ZNF407: variants seen among roughly 807,000 people sequenced by gnomAD.
The protein encoded by ZNF407 is zinc finger protein 407.
A neutral mutation model predicts 131.2 loss-of-function variants in ZNF407; 17 were observed. That is an observed-to-expected ratio of 0.13 (90% CI 0.09 to 0.19). The LOEUF is 0.19. Among genes scored for constraint, ZNF407 ranks in the 10% least tolerant of loss-of-function variants. ZNF407 has a pLI of 1.00. For synonymous variants in ZNF407, 1,156 were observed against 1,062.0 expected, an observed-to-expected ratio of 1.09 and a Z score of -1.72; for missense variants, 2,681 against 2,830.6, an observed-to-expected ratio of 0.95 and a Z score of 1.20.
chr18:74,854,290 G>T (rs2554106), intron 4 of ZNF407, among the ~76,000 whole-genome samples: 149,263 of 152,330 alleles, frequency 0.98, 73,209 homozygotes, highest in East Asian at 1. Context: ...TAGATAATTT[G>T]TAAGATTACT....
chr18:74,833,727 C>A (rs548626682), intron 4 of ZNF407, among the ~76,000 whole-genome samples: 1 of 152,076 alleles, frequency 6.6e-6, no homozygotes, highest in Non-Finnish European at 1.5e-5. Flanking sequence ...TCTTGTTTAT[C>A]GTTTGAAAGT....
At chr18:74,749,483 A>G (rs1282148244) in intron 3 of ZNF407, among the ~76,000 whole-genome samples, 2 of 152,184 alleles carry the variant, frequency 1.3e-5, no homozygotes, top group Non-Finnish European at 2.9e-5. Context: ...TGTTTTAACT[A>G]TGTAGATGAT....
intron 8 of ZNF407, among the ~76,000 whole-genome samples, chr18:74,945,811 C>A (rs999733133): frequency 3.9e-5 from 6 of 152,026 alleles, no homozygotes; most frequent in African/African-American, 1.5e-4. Flanking sequence ...AATTAGAAGT[C>A]TTTCTTAAGG....
chr18:74,769,167 A>G lies in ZNF407; in HGVS notation c.4803-12261A>G, dbSNP rs550518599. 2.0e-4 allele frequency among the ~76,000 whole-genome samples: 30 copies of G among 152,284 alleles called. No homozygotes were observed. In the South Asian group the frequency reaches 6.0e-3, roughly 31 times the overall value. The stretch of plus-strand genomic sequence containing the variant: ...TTATCCAGTCATAGGGAAGGCCCAG[A>G]TTCAGCCCAAGTTTCTTTGACATCA... On this transcript the variant is annotated intron_variant, in intron 3 of 8. Transcript: ENST00000299687.
At chr18:74,722,214 C>T (rs547066725) in intron 3 of ZNF407, among the ~76,000 whole-genome samples, 121 of 151,798 alleles carry the variant, frequency 8.0e-4, no homozygotes, top group South Asian at 6.6e-3. Context: ...TACTGCTTTC[C>T]GTATTTCTCG....
chr18:74,853,845 C>T (rs1042984966), intron 4 of ZNF407, among the ~76,000 whole-genome samples: 19 of 152,060 alleles, frequency 1.2e-4, no homozygotes, highest in Non-Finnish European at 2.2e-4. Context: ...GTGTGCACAA[C>T]GGTAGTGCTA....
intron 8 of ZNF407, among the ~76,000 whole-genome samples, chr18:74,962,937 T>C (rs1972364352): frequency 6.6e-6 from 1 of 152,258 alleles, no homozygotes. Context: ...GGAAATCTTA[T>C]TCACCTGAAC....
intron 8 of ZNF407, among the ~76,000 whole-genome samples, chr18:74,986,908 T>C (rs1972659412): frequency 6.6e-6 from 1 of 152,236 alleles, no homozygotes. Context: ...GTATTATGTT[T>C]ATCTTTCTTA....
chr18:74,675,500 A>G (rs1986317759), intron 3 of ZNF407, among the ~76,000 whole-genome samples: 1 of 152,258 alleles, frequency 6.6e-6, no homozygotes, highest in Admixed American at 6.5e-5. Context: ...AAGAACACAC[A>G]GAGACAGGCA....
intron 3 of ZNF407, among the ~76,000 whole-genome samples, chr18:74,651,049 TAAAC>T (rs1476120470): frequency 3.3e-5 from 5 of 152,136 alleles, no homozygotes; most frequent in Non-Finnish European, 7.4e-5. Context: ...AAATTATTCT[TAAAC>T]AACCCATTTA....
intron 8 of ZNF407, among the ~76,000 whole-genome samples, chr18:75,060,507 C>CTTTTTTTTTTTTTTTTTT (rs564194650): frequency 2.7e-4 from 33 of 124,440 alleles, no homozygotes; most frequent in South Asian, 4.8e-4. Context: ...TTCTTTTTTT[C>CTTTTTTTTTTTTTTTTTT]TTTTTTTTTT....
At chr18:74,971,870 G>T (rs534879107) in intron 8 of ZNF407, among the ~76,000 whole-genome samples, 1 of 152,254 alleles carries the variant, frequency 6.6e-6, no homozygotes, top group South Asian at 2.1e-4. Flanking sequence ...CCTGAAACTG[G>T]GAAGAAAAAG....
At chr18:74,815,639 C>G (rs1373614411) in intron 4 of ZNF407, among the ~76,000 whole-genome samples, 3 of 152,076 alleles carry the variant, frequency 2.0e-5, no homozygotes, top group Admixed American at 2.0e-4. Context: ...CATTGATTTT[C>G]CATTATTATT....
At chr18:74,692,369 T>C (rs1040668238) in intron 3 of ZNF407, among the ~76,000 whole-genome samples, 4 of 152,082 alleles carry the variant, frequency 2.6e-5, no homozygotes, top group African/African-American at 9.7e-5. Context: ...CTCCGTGTTA[T>C]TGGTTGGCTC....
intron 4 of ZNF407, among the ~76,000 whole-genome samples, chr18:74,797,253 T>G (rs1421617738): frequency 4.6e-5 from 7 of 152,226 alleles, no homozygotes; most frequent in Admixed American, 1.3e-4. Context: ...CTCTGATATG[T>G]GAAGTGACAC....
chr18:74,822,034 T>C (rs1274767683), intron 4 of ZNF407, among the ~76,000 whole-genome samples: 2 of 149,636 alleles, frequency 1.3e-5, no homozygotes, highest in Non-Finnish European at 2.9e-5. Context: ...GAGGATGAGC[T>C]TTTTTTTCAT....
intron 3 of ZNF407, among the ~76,000 whole-genome samples, chr18:74,660,061 T>C (rs1985646088): frequency 6.6e-6 from 1 of 152,114 alleles, no homozygotes; most frequent in South Asian, 2.1e-4. Context: ...CATACAAATA[T>C]GGAAATATGA....
intron 8 of ZNF407, among the ~76,000 whole-genome samples, chr18:75,053,611 T>C (rs905320927): frequency 6.6e-6 from 1 of 152,260 alleles, no homozygotes; most frequent in Admixed American, 6.5e-5. Flanking sequence ...CCACAGATAC[T>C]CTGCAACTTT....
chr18:74,634,472 G>A lies in ZNF407; in HGVS notation c.3453G>A (p.Glu1151=), dbSNP rs1984330429. The change falls in exon 2 of 9, where the codon GAG becomes GAA. Residue 1151 remains glutamate, a synonymous_variant. Coordinates refer to ENST00000299687, the MANE Select transcript of ZNF407 (RefSeq NM_017757.3). ...VLCAADSVEV[E]TEEESNFNED... Reference sequence around the variant, plus strand: ...GCGCTGCTGACTCTGTAGAAGTTGAGACTGAAGAAGAATCTAATTTCAATG... The same window carrying A: ...GCGCTGCTGACTCTGTAGAAGTTGAAACTGAAGAAGAATCTAATTTCAATG... 6 of 1,613,754 alleles carry A rather than the reference G, an allele frequency of 3.7e-6. No homozygotes were observed. In the East Asian group the frequency reaches 1.3e-4, roughly 36 times the overall value.
Sources: gnomAD v4.1 joint callset for allele counts (sites outside exome capture counted in the v4.1 genomes callset) on GRCh38, gnomAD v4.1.1 for gene constraint, MANE v1.5 for transcripts, NCBI Gene and HGNC (gene_info 2026-07-23, HGNC 2026-07-21) for gene names.